TTC28: variants seen among roughly 807,000 people sequenced by gnomAD.
The protein encoded by TTC28 is tetratricopeptide repeat domain 28, also known as tetratricopeptide repeat protein 28.
A neutral mutation model predicts 198.0 loss-of-function variants in TTC28; 61 were observed. That is an observed-to-expected ratio of 0.31 (90% CI 0.25 to 0.38). TTC28 has a LOEUF of 0.38. TTC28 is among the 10% of genes least tolerant of loss of function. The pLI, the probability that TTC28 is intolerant of heterozygous loss-of-function variation, is 1.00. For missense variants in TTC28, 2,678 were observed against 3,164.0 expected (o/e 0.85, Z 3.69); for synonymous variants, 1,171 against 1,297.8 (o/e 0.90, Z 2.10).
chr22:28,088,744 A>T (rs1005477440), intron 12 of TTC28, among the ~76,000 whole-genome samples: 1 of 152,384 alleles, frequency 6.6e-6, no homozygotes, highest in East Asian at 1.9e-4. Context: ...AAATGGGAAA[A>T]CATCTTCGCA....
intron 2 of TTC28, among the ~76,000 whole-genome samples, chr22:28,376,038 A>G (rs1216130545): frequency 1.3e-5 from 2 of 152,176 alleles, no homozygotes; most frequent in Non-Finnish European, 2.9e-5. Context: ...CCAGCATCCA[A>G]GGGTCTCCAG....
chr22:28,237,401 G>C (rs1929331098), intron 5 of TTC28, among the ~76,000 whole-genome samples: 1 of 152,120 alleles, frequency 6.6e-6, no homozygotes, highest in African/African-American at 2.4e-5. Flanking sequence ...GTTGAAATAA[G>C]GAACTCCAGT....
intron 2 of TTC28, among the ~76,000 whole-genome samples, chr22:28,508,719 T>A (rs952015793): frequency 2.6e-5 from 4 of 152,168 alleles, no homozygotes; most frequent in African/African-American, 9.7e-5. Flanking sequence ...GTATCCAGAT[T>A]CATAAAGCAA....
chr22:28,254,270 A>G (rs1930729516), intron 5 of TTC28, among the ~76,000 whole-genome samples: 1 of 152,186 alleles, frequency 6.6e-6, no homozygotes, highest in Non-Finnish European at 1.5e-5. Context: ...GGTAATAATT[A>G]TAATCATGAA....
At position 27,982,089 on chromosome 22, in the gene TTC28, G is replaced by A; in HGVS notation, c.*132C>T. Reference sequence around the variant, plus strand: ...TGTGGCAGCCTTTGGACGTGGTGGTGCCCCTCGCCTGCAGAGCACAGCATC... The same window carrying A: ...TGTGGCAGCCTTTGGACGTGGTGGTACCCCTCGCCTGCAGAGCACAGCATC... On this transcript the variant is annotated 3_prime_UTR_variant, in exon 23 of 23. Coordinates refer to ENST00000397906, the MANE Select transcript of TTC28 (RefSeq NM_001145418.2). This position sits in a 1 kb window ranked among gnomAD's most constrained non-coding sequence, Gnocchi z 5.2. 1 of 939,368 alleles carries A rather than the reference G, an allele frequency of 1.1e-6. No homozygotes were observed. The highest frequency in any genetic ancestry group is 1.5e-6 in the Non-Finnish European group (1 of 659,218). The allele number at this position is 939,368 out of a possible 1,614,324, so 58.2% of individuals were successfully genotyped here.
chr22:28,144,452 T>A (rs999754433), intron 6 of TTC28, among the ~76,000 whole-genome samples: 1 of 152,250 alleles, frequency 6.6e-6, no homozygotes. Context: ...AATCTGGGTT[T>A]ACCATTACAA....
At chr22:28,539,625 G>C (rs548994793) in intron 2 of TTC28, among the ~76,000 whole-genome samples, 1 of 150,808 alleles carries the variant, frequency 6.6e-6, no homozygotes, top group South Asian at 2.1e-4. Context: ...AACAGAGTGA[G>C]ACACTGTCTC....
intron 2 of TTC28, among the ~76,000 whole-genome samples, chr22:28,614,477 C>T (rs1017130210): frequency 6.6e-6 from 1 of 152,172 alleles, no homozygotes; most frequent in East Asian, 1.9e-4. Context: ...AAAGAGCCCA[C>T]ATAGCCAAGA....
intron 2 of TTC28, among the ~76,000 whole-genome samples, chr22:28,618,231 C>A (rs1317130062): frequency 1.3e-5 from 2 of 151,770 alleles, no homozygotes; most frequent in East Asian, 3.9e-4. Flanking sequence ...GCCAAGATTG[C>A]ACCACTGCAC....
intron 2 of TTC28, among the ~76,000 whole-genome samples, chr22:28,591,547 C>G (rs575342527): frequency 2.6e-5 from 4 of 152,194 alleles, no homozygotes; most frequent in East Asian, 1.9e-4. Flanking sequence ...TTCTGAGACT[C>G]AATTCCAGGT....
intron 2 of TTC28, among the ~76,000 whole-genome samples, chr22:28,416,603 A>G (rs373917451): frequency 6.6e-6 from 1 of 152,198 alleles, no homozygotes; most frequent in African/African-American, 2.4e-5. Context: ...TATCAATCTT[A>G]CTGCTTCAAT....
intron 6 of TTC28, among the ~76,000 whole-genome samples, chr22:28,133,778 C>G (rs1943120746): frequency 1.3e-5 from 2 of 152,236 alleles, no homozygotes; most frequent in African/African-American, 4.8e-5. Context: ...GACTCCACCT[C>G]TGGGGGCAGG....
intron 1 of TTC28, among the ~76,000 whole-genome samples, chr22:28,674,257 T>C (rs990326126): frequency 1.3e-4 from 20 of 148,920 alleles, no homozygotes; most frequent in Admixed American, 1.0e-3. Context: ...TGTGGTTTTT[T>C]CTTTGTGGTT....
At chr22:28,296,549 C>T (rs918696621) in intron 4 of TTC28, among the ~76,000 whole-genome samples, 1 of 152,102 alleles carries the variant, frequency 6.6e-6, no homozygotes, top group Admixed American at 6.6e-5. Context: ...ATTGTCATAA[C>T]ATACAACTGC....
chr22:28,282,964 A>G (rs1012630441), intron 5 of TTC28, among the ~76,000 whole-genome samples: 1 of 152,204 alleles, frequency 6.6e-6, no homozygotes, highest in East Asian at 1.9e-4. Flanking sequence ...TTATTTTATC[A>G]GCAGAAGAAA....
At chr22:28,080,421 T>C (rs891897640) in intron 12 of TTC28, among the ~76,000 whole-genome samples, 14 of 152,236 alleles carry the variant, frequency 9.2e-5, no homozygotes, top group African/African-American at 3.4e-4. Context: ...TTGATTTGCA[T>C]TTCGCTGATG....
At position 28,679,774 on chromosome 22, in the gene TTC28, A is replaced by G. The variant is rs1371193448; in HGVS notation, c.-51T>C. On this transcript the variant is annotated 5_prime_UTR_variant, in exon 1 of 23. It removes the in-frame stop codon of an upstream open reading frame in the 5' UTR. Transcript: ENST00000397906. ...CCTCGAGCTAACGGTCCCGCCAGCT[A>G]GGCGCGCGCGCCGGTTCCGCGCGCC... The G allele has an allele frequency of 2.0e-6, 2 of 1,022,230 alleles. No individual in the cohort carries two copies. Among genetic ancestry groups the G allele is most frequent in the Non-Finnish European group, 2.5e-6 (2 of 814,814 alleles). The allele number at this position is 1,022,230 out of a possible 1,614,324, so 63.3% of individuals were successfully genotyped here.
intron 2 of TTC28, among the ~76,000 whole-genome samples, chr22:28,401,909 T>A (rs1156824494): frequency 2.6e-5 from 4 of 152,206 alleles, no homozygotes; most frequent in Non-Finnish European, 5.9e-5. Context: ...ATGCATTTAA[T>A]TCACAACTGC....
At chr22:28,086,216 T>C (rs1401031471) in intron 12 of TTC28, among the ~76,000 whole-genome samples, 1 of 152,102 alleles carries the variant, frequency 6.6e-6, no homozygotes, top group African/African-American at 2.4e-5. Flanking sequence ...ATACATTTTT[T>C]TCAGCACCAC....
Sources: gnomAD v4.1 joint callset for allele counts (sites outside exome capture counted in the v4.1 genomes callset) on GRCh38, gnomAD v4.1.1 for gene constraint, Gnocchi (gnomAD v3.1) non-coding constraint, MANE v1.5 for transcripts, NCBI Gene and HGNC (gene_info 2026-07-23, HGNC 2026-07-21) for gene names.